LTBP1: variants seen among roughly 807,000 people sequenced by gnomAD.
LTBP1 encodes the protein latent-transforming growth factor beta-binding protein 1.
Under a neutral mutation model 207.6 loss-of-function variants are expected in LTBP1, and 129 were observed. The ratio of observed to expected loss-of-function variants is 0.62; its 90% CI spans 0.54 to 0.72. The LOEUF (loss-of-function observed/expected upper bound fraction) is 0.72, where lower values mean the gene tolerates loss of function less well. LTBP1 is among the 30% of genes least tolerant of loss of function. LTBP1 has a pLI of 0.00. For synonymous variants in LTBP1, 963 were observed against 833.7 expected, an observed-to-expected ratio of 1.16 and a Z score of -2.67; for missense variants, 2,281 against 2,217.2, an observed-to-expected ratio of 1.03 and a Z score of -0.58.
At chr2:33,149,228 C>CAAAAAAAAAAAAAAAAAA (rs58303103) in intron 5 of LTBP1, among the ~76,000 whole-genome samples, 1 of 82,816 alleles carries the variant, frequency 1.2e-5, no homozygotes, top group Non-Finnish European at 2.2e-5. Flanking sequence ...CACAAAAAAA[C>CAAAAAAAAAAAAAAAAAA]AAAAAAAAAA....
chr2:33,011,317 G>T (rs938603517), intron 2 of LTBP1, among the ~76,000 whole-genome samples: 1 of 152,128 alleles, frequency 6.6e-6, no homozygotes, highest in Admixed American at 6.5e-5. Context: ...AGAGGTGATG[G>T]TAGGGCTTAT....
intron 24 of LTBP1, among the ~76,000 whole-genome samples, chr2:33,329,662 A>C (rs1256355527): frequency 6.6e-6 from 1 of 152,198 alleles, no homozygotes; most frequent in East Asian, 1.9e-4. Context: ...TTTTCCCACT[A>C]ATATGAATTT....
intron 3 of LTBP1, among the ~76,000 whole-genome samples, chr2:33,097,719 A>G (rs570322941): frequency 6.6e-6 from 1 of 152,308 alleles, no homozygotes; most frequent in Non-Finnish European, 1.5e-5. Context: ...CAATAAGGAT[A>G]TAGTATGTTA....
intron 2 of LTBP1, among the ~76,000 whole-genome samples, chr2:32,959,006 C>G (rs1424651547): frequency 1.3e-5 from 2 of 152,158 alleles, no homozygotes; most frequent in African/African-American, 4.8e-5. Context: ...ATTTTAGATC[C>G]CCAAATACTG....
chr2:33,110,739 G>T lies in LTBP1; in HGVS notation c.1021G>T (p.Ala341Ser). Residue 341 changes from alanine (A) to serine (S), a missense_variant, in exon 4 of 34, where the codon GCA becomes TCA. Ala to Ser is a moderately conservative substitution (Grantham distance 99). Transcript: ENST00000404816. ...AAGATATGTGCAGGATCAAGTTGCGGCACCTTTTCAGCGTGAGTATAGTCT... is the reference window on the plus strand; with the variant it reads ...AAGATATGTGCAGGATCAAGTTGCGTCACCTTTTCAGCGTGAGTATAGTCT... ...PLRYVQDQVA[A>S]PFQLSNHTGR... 6.2e-7 allele frequency: 1 copy of T among 1,613,750 alleles called. No homozygotes were observed.
chr2:32,959,766 A>G (rs1678798225), intron 2 of LTBP1, among the ~76,000 whole-genome samples: 1 of 151,040 alleles, frequency 6.6e-6, no homozygotes, highest in South Asian at 2.1e-4. Flanking sequence ...GATTACAGGC[A>G]TCTGCCACCA....
At chr2:33,050,639 G>A (rs1339055633) in intron 3 of LTBP1, among the ~76,000 whole-genome samples, 2 of 152,060 alleles carry the variant, frequency 1.3e-5, no homozygotes. Flanking sequence ...GCTACAGATA[G>A]TGTCTAAGAG....
intron 2 of LTBP1, among the ~76,000 whole-genome samples, chr2:32,999,792 G>A (rs758650466): frequency 1.5e-5 from 2 of 132,838 alleles, no homozygotes. Context: ...TAGCCTGGGC[G>A]ACAGAGTGAG....
intron 2 of LTBP1, among the ~76,000 whole-genome samples, chr2:33,014,850 G>A (rs1688152973): frequency 6.6e-6 from 1 of 152,154 alleles, no homozygotes; most frequent in South Asian, 2.1e-4. Flanking sequence ...TTCAAATGAT[G>A]AAAGTATTTT....
chr2:33,247,969 T>A (rs1244236638), intron 10 of LTBP1, among the ~76,000 whole-genome samples: 1 of 152,230 alleles, frequency 6.6e-6, no homozygotes, highest in African/African-American at 2.4e-5. Context: ...GCTGGGAGCC[T>A]GTGTCATCTT....
chr2:33,294,174 T>TTTTG (rs779405771), intron 20 of LTBP1, among the ~76,000 whole-genome samples: 5 of 151,106 alleles, frequency 3.3e-5, no homozygotes, highest in Non-Finnish European at 5.9e-5. Context: ...CCCGACTAAT[T>TTTTG]TTTGTTTGTT....
rs776736654 is a variant in LTBP1, at chr2:33,021,191, A to G, written c.848A>G (p.Gln283Arg). The change falls in exon 3 of 34, where the codon CAG (glutamine) becomes CGG (arginine). Residue 283 changes from glutamine to arginine, a missense_variant. Coordinates refer to ENST00000404816, the MANE Select transcript of LTBP1 (RefSeq NM_206943.4). Reference sequence around the variant, plus strand: ...CCGAAGCCTTCAGTGGGACTCCCCCAGCAGATACATTCTCAGTGAGTGTTT... The same window carrying G: ...CCGAAGCCTTCAGTGGGACTCCCCCGGCAGATACATTCTCAGTGAGTGTTT... The part of the protein sequence containing the change: ...LKPKPSVGLP[Q>R]QIHSQVTPLS... The G allele has an allele frequency of 6.3e-7, 1 of 1,598,180 alleles. No homozygotes were observed. Among genetic ancestry groups the G allele is most frequent in the South Asian group, 1.1e-5 (1 of 88,532 alleles).
chr2:33,165,607 C>T (rs1273879711), intron 5 of LTBP1, among the ~76,000 whole-genome samples: 2 of 152,194 alleles, frequency 1.3e-5, no homozygotes, highest in Non-Finnish European at 2.9e-5. Context: ...TCTCTTGTCT[C>T]CCAGTATGGG....
intron 11 of LTBP1, among the ~76,000 whole-genome samples, chr2:33,256,625 A>T (rs1445321146): frequency 1.3e-5 from 2 of 150,638 alleles, no homozygotes; most frequent in African/African-American, 4.9e-5. Flanking sequence ...TATAATACAT[A>T]TAGTGTCTTC....
chr2:32,955,870 GA>G (rs1186580304), intron 2 of LTBP1, among the ~76,000 whole-genome samples: 2 of 152,070 alleles, frequency 1.3e-5, no homozygotes, highest in African/African-American at 4.8e-5. Context: ...CGTACTTATG[GA>G]AAAATACATC....
intron 2 of LTBP1, among the ~76,000 whole-genome samples, chr2:32,951,428 C>A (rs1677084364): frequency 6.6e-6 from 1 of 152,182 alleles, no homozygotes; most frequent in African/African-American, 2.4e-5. Context: ...ACTTACTTTG[C>A]ATGTGTCTGG....
At chr2:32,969,612 T>C (rs1163685529) in intron 2 of LTBP1, among the ~76,000 whole-genome samples, 22 of 152,188 alleles carry the variant, frequency 1.4e-4, no homozygotes, top group Admixed American at 1.4e-3. Flanking sequence ...TCTCATTCTT[T>C]TTTAAGGCTG....
intron 24 of LTBP1, among the ~76,000 whole-genome samples, chr2:33,327,536 CAT>C (rs767064045): frequency 2.4e-4 from 37 of 152,080 alleles, no homozygotes; most frequent in Non-Finnish European, 4.7e-4. Context: ...TAGTAAATTA[CAT>C]ATGTTTCTTA....
At chr2:33,087,833 C>T (rs1311822114) in intron 3 of LTBP1, among the ~76,000 whole-genome samples, 1 of 152,092 alleles carries the variant, frequency 6.6e-6, no homozygotes, top group Non-Finnish European at 1.5e-5. Flanking sequence ...TGAGCCATAC[C>T]ATCATGTTCT....
Sources: gnomAD v4.1 joint callset for allele counts (sites outside exome capture counted in the v4.1 genomes callset) on GRCh38, gnomAD v4.1.1 for gene constraint, MANE v1.5 for transcripts, NCBI Gene and HGNC (gene_info 2026-07-23, HGNC 2026-07-21) for gene names.